Variants in CFDP1 observed in about 807,000 individuals in gnomAD.
CFDP1 encodes chromatin remodeling protein CFDP1.
In CFDP1, 31 loss-of-function variants were observed where a neutral mutation model predicts 40.1. The ratio of observed to expected loss-of-function variants is 0.77; its 90% CI spans 0.58 to 1.04. The LOEUF (loss-of-function observed/expected upper bound fraction) is 1.04. CFDP1 is among the 50% of genes least tolerant of loss of function. The probability of loss-of-function intolerance (pLI) is 0.00; values close to 1 mark genes in which losing one functional copy is unlikely to be tolerated. For synonymous variants in CFDP1, 167 were observed against 120.0 expected (o/e 1.39, Z -2.56); for missense variants, 423 against 343.4 (o/e 1.23, Z -1.83).
intron 5 of CFDP1, among the ~76,000 whole-genome samples, chr16:75,392,366 C>A (rs1431661562): frequency 1.3e-5 from 2 of 152,030 alleles, no homozygotes; most frequent in Non-Finnish European, 2.9e-5. Flanking sequence ...GATTGCACCA[C>A]TGCACTCCAG....
intron 5 of CFDP1, among the ~76,000 whole-genome samples, chr16:75,340,244 C>G (rs1244390781): frequency 6.6e-6 from 1 of 152,130 alleles, no homozygotes; most frequent in Non-Finnish European, 1.5e-5. Flanking sequence ...AACCCTGGAG[C>G]CTCCTTCAAA....
intron 1 of CFDP1, among the ~76,000 whole-genome samples, chr16:75,417,941 G>C (rs984754347): frequency 6.6e-6 from 1 of 152,014 alleles, no homozygotes; most frequent in African/African-American, 2.4e-5. Flanking sequence ...CAGAATAAGA[G>C]AAATGACACA....
At chr16:75,319,170 A>G (rs560068843) in intron 5 of CFDP1, among the ~76,000 whole-genome samples, 13 of 152,242 alleles carry the variant, frequency 8.5e-5, no homozygotes, top group Admixed American at 5.2e-4. Flanking sequence ...CAGACTCCTG[A>G]GTAGCTGGGA....
chr16:75,360,417 A>G (rs992922396), intron 5 of CFDP1, among the ~76,000 whole-genome samples: 2 of 152,252 alleles, frequency 1.3e-5, no homozygotes, highest in South Asian at 2.1e-4. Context: ...CTGAGCTTCA[A>G]AAAGAAAATA....
chr16:75,379,404 T>C (rs570634923), intron 5 of CFDP1, among the ~76,000 whole-genome samples: 13 of 151,720 alleles, frequency 8.6e-5, no homozygotes, highest in African/African-American at 2.9e-4. Flanking sequence ...GGGATATCAC[T>C]ACAAGTATCA....
chr16:75,427,987 A>C lies in CFDP1; in HGVS notation c.64+5302T>G, dbSNP rs79472985. Among the ~76,000 whole-genome samples the C allele has an allele frequency of 5.1e-3, 775 of 152,308 alleles. 7 individuals carry two copies. The highest frequency in any genetic ancestry group is 0.018 in the African/African-American group (747 of 41,590). ...TAAGCGGAAGAAGCCAGATACAAAAAGCTGCCTACTGTTATGGTTCCATTT... is the reference window on the plus strand; with the variant it reads ...TAAGCGGAAGAAGCCAGATACAAAACGCTGCCTACTGTTATGGTTCCATTT... On this transcript the variant is annotated intron_variant, in intron 1 of 6. Transcript: ENST00000283882.
intron 5 of CFDP1, among the ~76,000 whole-genome samples, chr16:75,313,015 C>A (rs1197556190): frequency 1.3e-5 from 2 of 152,168 alleles, no homozygotes; most frequent in African/African-American, 4.8e-5. Flanking sequence ...TCAGTACTAG[C>A]ACCAAGAGAA....
intron 1 of CFDP1, chr16:75,419,079 G>T: frequency 2.4e-6 from 1 of 418,952 alleles, no homozygotes; most frequent in Non-Finnish European, 4.9e-6. Flanking sequence ...GGAATTGAAG[G>T]CTACAGTAAG....
intron 5 of CFDP1, among the ~76,000 whole-genome samples, chr16:75,312,481 A>G (rs578051043): frequency 6.6e-6 from 1 of 152,312 alleles, no homozygotes; most frequent in Non-Finnish European, 1.5e-5. Flanking sequence ...TTTTTTTTAT[A>G]CAAATAGAAA....
chr16:75,318,267 T>C (rs1223276051), intron 5 of CFDP1, among the ~76,000 whole-genome samples: 1 of 152,116 alleles, frequency 6.6e-6, no homozygotes, highest in Non-Finnish European at 1.5e-5. Context: ...ATCGTTCCCA[T>C]CAGGGACAAC....
chr16:75,346,353 G>T (rs1018685306), intron 5 of CFDP1, among the ~76,000 whole-genome samples: 2 of 152,136 alleles, frequency 1.3e-5, no homozygotes, highest in Non-Finnish European at 2.9e-5. Flanking sequence ...GCAGGCCGAG[G>T]CAGGTGGATC....
At chr16:75,381,574 T>A (rs2078852481) in intron 5 of CFDP1, among the ~76,000 whole-genome samples, 1 of 152,208 alleles carries the variant, frequency 6.6e-6, no homozygotes. Context: ...CAGGCAGTTT[T>A]GGCCCAGCAG....
intron 5 of CFDP1, among the ~76,000 whole-genome samples, chr16:75,347,375 A>C (rs1024597104): frequency 6.7e-6 from 1 of 148,400 alleles, no homozygotes; most frequent in Non-Finnish European, 1.5e-5. Context: ...GAAAAAGAAA[A>C]AGAAAAAGAA....
intron 5 of CFDP1, among the ~76,000 whole-genome samples, chr16:75,352,221 G>A (rs2151526890): frequency 6.6e-6 from 1 of 151,656 alleles, no homozygotes; most frequent in African/African-American, 2.4e-5. Context: ...CGTGCCTGTA[G>A]TCCCAGCTAC....
At chr16:75,432,901 G>C (rs965999168) in intron 1 of CFDP1, among the ~76,000 whole-genome samples, 1 of 152,168 alleles carries the variant, frequency 6.6e-6, no homozygotes, top group African/African-American at 2.4e-5. Context: ...TCTTGGACGG[G>C]GTGGTGGCCA....
At chr16:75,341,509 A>G (rs1050326918) in intron 5 of CFDP1, among the ~76,000 whole-genome samples, 3 of 152,136 alleles carry the variant, frequency 2.0e-5, no homozygotes, top group Non-Finnish European at 4.4e-5. Context: ...CCAAAATAAG[A>G]GATTGGCTAG....
chr16:75,305,099 T>A lies in CFDP1; in HGVS notation c.734A>T (p.Lys245Ile), dbSNP rs561499182. Residue 245 changes from lysine (K) to isoleucine (I), a missense_variant, in exon 6 of 7, where the codon AAA (lysine) becomes ATA (isoleucine). By Grantham distance (102) the Lys-to-Ile change is moderately radical. Coordinates refer to ENST00000283882, the MANE Select transcript of CFDP1 (RefSeq NM_006324.3). ...KQKMSTLEKS[K>I]LDWESFKEEE... ...CTCCTTGAAGCTCTCCCAGTCCAGT[T>A]TGGACTTCTCAAGGGTGCTCATTTT... The A allele has an allele frequency of 8.1e-6, 13 of 1,614,146 alleles. No homozygotes were observed. In the East Asian group the frequency reaches 2.5e-4, roughly 30 times the overall value.
chr16:75,388,433 G>A (rs918233940), intron 5 of CFDP1, among the ~76,000 whole-genome samples: 3 of 152,194 alleles, frequency 2.0e-5, no homozygotes, highest in African/African-American at 7.2e-5. Flanking sequence ...AGGGAAACAT[G>A]TTACCCTAGA....
In CFDP1 at chr16:75,409,145, C is replaced by T. The variant is rs146303492; in HGVS notation, c.530+2680G>A. Among the ~76,000 whole-genome samples, 814 of 152,194 alleles carry T rather than the reference C, an allele frequency of 5.3e-3. 10 individuals are homozygous for T. Among genetic ancestry groups the T allele is most frequent in the African/African-American group, 0.019 (772 of 41,530 alleles). The stretch of plus-strand genomic sequence containing the variant: ...GAGTGCTGGGATTACAGGCATGAGC[C>T]ACCGTGCCAGGCCAGTTTTTTGTTT... On this transcript the variant is annotated intron_variant, in intron 4 of 6. Coordinates refer to ENST00000283882, the MANE Select transcript of CFDP1 (RefSeq NM_006324.3).
Sources: gnomAD v4.1 joint callset for allele counts (sites outside exome capture counted in the v4.1 genomes callset) on GRCh38, gnomAD v4.1.1 for gene constraint, MANE v1.5 for transcripts, NCBI Gene and HGNC (gene_info 2026-07-23, HGNC 2026-07-21) for gene names.